PCDHGA10: variants seen among roughly 807,000 people sequenced by gnomAD.
PCDHGA10 encodes the protein protocadherin gamma-A10.
PCDHGA10 carries 42 observed loss-of-function variants against 59.5 expected under a neutral mutation model. The ratio of observed to expected loss-of-function variants is 0.71; its 90% CI spans 0.55 to 0.91. The LOEUF is 0.91. PCDHGA10 is among the 40% of genes least tolerant of loss of function. The probability of loss-of-function intolerance (pLI) is 0.00; values close to 1 mark genes in which losing one functional copy is unlikely to be tolerated. For missense variants in PCDHGA10, 1,111 were observed against 1,198.2 expected (o/e 0.93, Z 1.07); for synonymous variants, 511 against 517.2 (o/e 0.99, Z 0.16).
Position 141,413,900 on chromosome 5 carries a change from AC to A in PCDHGA10, c.726del (p.Asn242LysfsTer12). 6.2e-7 allele frequency: 1 copy of A among 1,613,126 alleles called. No individual in the cohort carries two copies. The stretch of plus-strand genomic sequence containing the variant: ...GTGACTGTCTTCGATGCAAATGACA[AC>A]GCGCCGGTCTTCACCTTGCCAGAAT... ...VSVTVFDAND[N>X]APVFTLPEYR... On this transcript the variant is annotated frameshift_variant, in exon 1 of 4. Transcript: ENST00000398610. LOFTEE classifies it high-confidence loss of function.
chr5:141,475,013 G>T (rs950376592), intron 1 of PCDHGA10, among the ~76,000 whole-genome samples: 1 of 152,176 alleles, frequency 6.6e-6, no homozygotes, highest in African/African-American at 2.4e-5. Context: ...AAAAGTTAAG[G>T]CTCTTTATTC....
chr5:141,448,464 T>C lies in PCDHGA10; in HGVS notation c.2436+32853T>C, dbSNP rs186054602. Among the ~76,000 whole-genome samples the C allele has an allele frequency of 2.6e-3, 402 of 152,296 alleles. 10 individuals are homozygous for C. The highest frequency in any genetic ancestry group is 0.023 in the Admixed American group (357 of 15,282). ...CTGACTTCCATCCCTATCCTACTCCTATTCCACCCTTGCTTCCTCCTGTCC... is the reference window on the plus strand; with the variant it reads ...CTGACTTCCATCCCTATCCTACTCCCATTCCACCCTTGCTTCCTCCTGTCC... On this transcript the variant is annotated intron_variant, in intron 1 of 3. Transcript: ENST00000398610.
rs1391017504 is a variant in PCDHGA10 at position 141,490,732 on chromosome 5, G to GTTCAGGGAGCCCCAGCCTCCTCCT, written c.2437-4072_2437-4049dup. 6.2e-7 allele frequency: 1 copy of GTTCAGGGAGCCCCAGCCTCCTCCT among 1,614,070 alleles called. No individual in the cohort carries two copies. Among genetic ancestry groups the GTTCAGGGAGCCCCAGCCTCCTCCT allele is most frequent in the Non-Finnish European group, 8.5e-7 (1 of 1,180,050 alleles). On this transcript the variant is annotated intron_variant, in intron 1 of 3. Coordinates refer to ENST00000398610, the MANE Select transcript of PCDHGA10 (RefSeq NM_018913.3). This position sits in a 1 kb window ranked among gnomAD's most constrained non-coding sequence, Gnocchi z 5.4. ...CACCTACTCCATTGTAGGAAATCAG[G>GTTCAGGGAGCCCCAGCCTCCTCCT]TTCAGGGAGCCCCAGCCTCCTCCTT...
intron 1 of PCDHGA10, chr5:141,430,735 A>T (rs1255723102): frequency 6.7e-7 from 1 of 1,497,964 alleles, no homozygotes; most frequent in Non-Finnish European, 8.9e-7. Context: ...GGCAGAATTG[A>T]AAATAATTCT....
At chr5:141,445,357 G>A (rs115045385) in intron 1 of PCDHGA10, among the ~76,000 whole-genome samples, 18 of 152,258 alleles carry the variant, frequency 1.2e-4, no homozygotes, top group Admixed American at 1.1e-3. Context: ...GTCTGCCCAA[G>A]TCTGGTCCTG....
intron 1 of PCDHGA10, chr5:141,441,973 C>T (rs1457832429): frequency 6.7e-6 from 2 of 296,542 alleles, no homozygotes; most frequent in Admixed American, 4.4e-5. Context: ...GCTCTTCAGC[C>T]TGGAATGCGC....
Position 141,490,911 on chromosome 5 carries a change from G to C in PCDHGA10, c.2437-3896G>C. On this transcript the variant is annotated intron_variant, in intron 1 of 3. Coordinates refer to ENST00000398610, the MANE Select transcript of PCDHGA10 (RefSeq NM_018913.3). The surrounding 1 kb of genome is among the most constrained non-coding windows in gnomAD (Gnocchi z 5.4). ...CTCTGCATGTGTTTGTCCTAGACGA[G>C]AATGATAATGCCCCAGCTGTGCTGC... is the stretch of plus-strand genomic sequence containing the variant. The C allele has an allele frequency of 6.2e-7, 1 of 1,613,722 alleles. No homozygotes were observed. Among genetic ancestry groups the C allele is most frequent in the East Asian group, 2.2e-5 (1 of 44,870 alleles).
intron 3 of PCDHGA10, 94 bp downstream of exon 3, chr5:141,505,575 C>T: frequency 6.3e-7 from 1 of 1,592,302 alleles, no homozygotes. Context: ...GATGTCAAAC[C>T]TGTGTAGTTT....
In PCDHGA10 at chr5:141,486,531, C is replaced by T; in HGVS notation, c.2437-8276C>T. The T allele has an allele frequency of 6.2e-7, 1 of 1,614,062 alleles. No homozygotes were observed. Among genetic ancestry groups the T allele is most frequent in the Non-Finnish European group, 8.5e-7 (1 of 1,180,020 alleles). Reference sequence around the variant, plus strand: ...ATTTCAGATGTGAATGATAATCCACCCTCTTTCTTTCAGAGGTCACATGAG... The same window carrying T: ...ATTTCAGATGTGAATGATAATCCACTCTCTTTCTTTCAGAGGTCACATGAG... On this transcript the variant is annotated intron_variant, in intron 1 of 3. Transcript: ENST00000398610. This position sits in a 1 kb window ranked among gnomAD's most constrained non-coding sequence, Gnocchi z 5.0.
chr5:141,489,467 C>G lies in PCDHGA10; in HGVS notation c.2437-5340C>G. 1 of 1,614,076 alleles carries G rather than the reference C, an allele frequency of 6.2e-7. No individual in the cohort carries two copies. The highest frequency in any genetic ancestry group is 8.5e-7 in the Non-Finnish European group (1 of 1,180,026). Reference sequence around the variant, plus strand: ...TCTGAGGAGAATGGGCGCTATTTTTCCCTGAGCTTGATGAGTGGTGCCCTG... The same window carrying G: ...TCTGAGGAGAATGGGCGCTATTTTTGCCTGAGCTTGATGAGTGGTGCCCTG... On this transcript the variant is annotated intron_variant, in intron 1 of 3. Transcript: ENST00000398610. The surrounding 1 kb of genome is among the most constrained non-coding windows in gnomAD (Gnocchi z 4.5).
chr5:141,421,160 A>T, intron 1 of PCDHGA10: 1 of 1,250,104 alleles, frequency 8.0e-7, no homozygotes, highest in Non-Finnish European at 1.1e-6. Flanking sequence ...CTAGGACTTC[A>T]TAGATACATA....
At chr5:141,458,094 A>G (rs1036190372) in intron 1 of PCDHGA10, among the ~76,000 whole-genome samples, 3 of 152,260 alleles carry the variant, frequency 2.0e-5, no homozygotes, top group African/African-American at 7.2e-5. Context: ...AGTTAAGAGT[A>G]CTTACAGATA....
At chr5:141,418,455 C>G (rs1287627325) in intron 1 of PCDHGA10, 3 of 1,613,990 alleles carry the variant, frequency 1.9e-6, no homozygotes, top group Non-Finnish European at 2.5e-6. Flanking sequence ...TTGCAGAAGA[C>G]TCTGGACCGA....
At chr5:141,447,636 T>C (rs772671166) in intron 1 of PCDHGA10, among the ~76,000 whole-genome samples, 49 of 152,136 alleles carry the variant, frequency 3.2e-4, no homozygotes, top group Non-Finnish European at 5.3e-4. Context: ...ACAGTATGAA[T>C]GATGGTAGAA....
intron 1 of PCDHGA10, chr5:141,416,195 CAATT>C (rs1181982521): frequency 6.6e-6 from 1 of 152,322 alleles, no homozygotes; most frequent in African/African-American, 2.4e-5. Flanking sequence ...ATTGAATTAA[CAATT>C]TATTTATAAC....
At chr5:141,452,354 G>C (rs2154563893) in intron 1 of PCDHGA10, among the ~76,000 whole-genome samples, 1 of 152,240 alleles carries the variant, frequency 6.6e-6, no homozygotes, top group Non-Finnish European at 1.5e-5. Flanking sequence ...TTATCCAAAA[G>C]CCTTGCTTCA....
intron 1 of PCDHGA10, among the ~76,000 whole-genome samples, chr5:141,425,293 T>A (rs1332220576): frequency 1.3e-5 from 2 of 152,172 alleles, no homozygotes; most frequent in African/African-American, 4.8e-5. Context: ...TTATAAAACC[T>A]CATCTAAACT....
intron 1 of PCDHGA10, chr5:141,415,906 A>C (rs2154546200): frequency 1.3e-6 from 1 of 784,990 alleles, no homozygotes; most frequent in East Asian, 3.5e-5. Context: ...ACAGACTTCC[A>C]TACAGAAGTG....
chr5:141,475,572 C>T (rs2099365596), intron 1 of PCDHGA10, among the ~76,000 whole-genome samples: 1 of 152,214 alleles, frequency 6.6e-6, no homozygotes, highest in South Asian at 2.1e-4. Context: ...TTCCAACAAG[C>T]CAGATTTGTT....
Sources: allele counts gnomAD v4.1 joint callset (sites outside exome capture counted in the v4.1 genomes callset), GRCh38; gene constraint gnomAD v4.1.1; non-coding constraint Gnocchi (gnomAD v3.1); transcripts MANE v1.5; gene names NCBI Gene and HGNC (gene_info 2026-07-23, HGNC 2026-07-21).